Variants in DMXL1 observed in about 807,000 individuals in gnomAD.
DMXL1 encodes the protein Dmx like 1, also known as dmX-like protein 1.
A neutral mutation model predicts 319.2 loss-of-function variants in DMXL1; 99 were observed. The ratio of observed to expected loss-of-function variants is 0.31; its 90% CI spans 0.26 to 0.37. The LOEUF is 0.37. Ranked by LOEUF, DMXL1 falls within the 10% of genes least tolerant of loss-of-function variation. The pLI is 1.00. For synonymous variants in DMXL1, 1,385 were observed against 1,235.2 expected, an observed-to-expected ratio of 1.12 and a Z score of -2.54; for missense variants, 3,745 against 3,595.6, an observed-to-expected ratio of 1.04 and a Z score of -1.06.
chr5:119,175,755 G>A (rs78929877), intron 26 of DMXL1, among the ~76,000 whole-genome samples: 2,049 of 152,098 alleles, frequency 0.013, 42 homozygotes, highest in African/African-American at 0.047. Flanking sequence ...CACATGGGAG[G>A]GAGTAACTTG....
At chr5:119,073,494 A>T (rs1449143299) in intron 1 of DMXL1, among the ~76,000 whole-genome samples, 1 of 152,152 alleles carries the variant, frequency 6.6e-6, no homozygotes, top group Admixed American at 6.5e-5. Flanking sequence ...ATGTCTGTGT[A>T]TTGTTTTTAA....
In DMXL1 at chr5:119,167,603, G is replaced by T; in HGVS notation, c.5137G>T (p.Val1713Leu). ...TTAAAAACAATATTTTTTTTTAAAGGTATGTCTTGAGAAATTGAATGACAT... is the reference window on the plus strand; with the variant it reads ...TTAAAAACAATATTTTTTTTTAAAGTTATGTCTTGAGAAATTGAATGACAT... ...LAGCLRDAIE[V>L]CLEKLNDIQL... The change falls in exon 23 of 44, where the codon GTA becomes TTA. Residue 1713 changes from valine (V) to leucine (L), a missense_variant and splice_region_variant. Physicochemically the swap from Val to Leu is conservative, Grantham distance 32. Around this residue, in one of 4 missense-constraint regions of DMXL1, gnomAD observed 1,382 missense variants for 1,269.5 expected, o/e 1.09. Coordinates refer to ENST00000539542, the MANE Select transcript of DMXL1 (RefSeq NM_001290321.3). 2 of 1,572,628 alleles carry T rather than the reference G, an allele frequency of 1.3e-6. No individual in the cohort carries two copies. The highest frequency in any genetic ancestry group is 1.7e-6 in the Non-Finnish European group (2 of 1,159,160).
At chr5:119,215,848 G>A (rs1418809066) in intron 34 of DMXL1, among the ~76,000 whole-genome samples, 3 of 152,076 alleles carry the variant, frequency 2.0e-5, no homozygotes, top group Non-Finnish European at 4.4e-5. Flanking sequence ...CATAATCCCA[G>A]CATTTGGGAG....
intron 31 of DMXL1, among the ~76,000 whole-genome samples, chr5:119,196,746 A>G (rs902823695): frequency 3.3e-5 from 5 of 152,128 alleles, no homozygotes; most frequent in African/African-American, 1.2e-4. Context: ...TACAATGGAG[A>G]GAAAACTAAG....
At chr5:119,220,389 CA>C in intron 35 of DMXL1, 82 bp from the exon 36 acceptor site, 1 of 1,331,796 alleles carries the variant, frequency 7.5e-7, no homozygotes, top group Non-Finnish European at 1.0e-6. Context: ...GAGGTTATTT[CA>C]AAACTACCAT....
At chr5:119,215,235 G>T (rs1285842565) in intron 34 of DMXL1, among the ~76,000 whole-genome samples, 1 of 152,102 alleles carries the variant, frequency 6.6e-6, no homozygotes, top group African/African-American at 2.4e-5. Flanking sequence ...TTTGTGTAGG[G>T]ATATTTTGGT....
chr5:119,241,956 C>CTTA (rs1212257147), intron 42 of DMXL1, among the ~76,000 whole-genome samples: 1 of 152,110 alleles, frequency 6.6e-6, no homozygotes, highest in Admixed American at 6.5e-5. Context: ...ATTTTATGTA[C>CTTA]TTATGATTTC....
chr5:119,161,781 A>C (rs546339444), intron 19 of DMXL1, among the ~76,000 whole-genome samples: 2 of 152,288 alleles, frequency 1.3e-5, no homozygotes, highest in East Asian at 3.9e-4. Context: ...GAGGTTGGCC[A>C]TTTAAGGACT....
At chr5:119,086,138 A>C (rs1054366132) in intron 1 of DMXL1, among the ~76,000 whole-genome samples, 2 of 152,230 alleles carry the variant, frequency 1.3e-5, no homozygotes, top group Non-Finnish European at 2.9e-5. Flanking sequence ...CACATCTCAC[A>C]TGGCAATGGC....
chr5:119,081,387 G>C (rs558307954), intron 1 of DMXL1, among the ~76,000 whole-genome samples: 37 of 152,284 alleles, frequency 2.4e-4, no homozygotes, highest in Admixed American at 2.0e-3. Context: ...ATTTATTGAT[G>C]CCATATGTGT....
intron 38 of DMXL1, among the ~76,000 whole-genome samples, chr5:119,230,475 A>G (rs530744693): frequency 6.6e-6 from 1 of 152,358 alleles, no homozygotes; most frequent in South Asian, 2.1e-4. Flanking sequence ...TATTACATAT[A>G]TTTAACATAT....
rs1334132256 is a variant in DMXL1, at chr5:119,149,001, A to G, written c.3174A>G (p.Ala1058=). ...GCTGTGCACATACAAATCGTTTAGC[A>G]GTAGCTTATAAGCAGCCTGCATCTA... ...EVSCAHTNRL[A]VAYKQPASNS... is the part of the protein sequence containing the mutation. Residue 1058 remains alanine (A), a synonymous_variant, in exon 18 of 44, where the codon GCA becomes GCG. Coordinates refer to ENST00000539542, the MANE Select transcript of DMXL1 (RefSeq NM_001290321.3). The G allele has an allele frequency of 1.2e-6, 2 of 1,613,958 alleles. No individual in the cohort carries two copies. The highest frequency in any genetic ancestry group is 1.7e-4 in the Middle Eastern group (1 of 6,056).
chr5:119,081,746 CTG>C (rs1303389366), intron 1 of DMXL1: 4 of 983,510 alleles, frequency 4.1e-6, no homozygotes, highest in African/African-American at 1.7e-5. Flanking sequence ...CAAATTGAGA[CTG>C]TGCATGGAGA....
intron 1 of DMXL1, among the ~76,000 whole-genome samples, chr5:119,087,184 T>C (rs1753569141): frequency 6.6e-6 from 1 of 152,072 alleles, no homozygotes; most frequent in South Asian, 2.1e-4. Flanking sequence ...TGCTCTGATC[T>C]TTATTTTTTC....
At chr5:119,167,888 A>C (rs775731333) in intron 23 of DMXL1, 24 bp downstream of exon 23, 5 of 1,597,098 alleles carry the variant, frequency 3.1e-6, no homozygotes, top group Non-Finnish European at 4.3e-6. Context: ...CTAAGATGTT[A>C]ATGATTAAGA....
chr5:119,114,850 A>T (rs1020511608), intron 6 of DMXL1, among the ~76,000 whole-genome samples: 21 of 151,808 alleles, frequency 1.4e-4, no homozygotes, highest in Non-Finnish European at 2.9e-5. Context: ...TGTATTTTTT[A>T]ATAGAGACGG....
chr5:119,149,181 C>T lies in DMXL1; in HGVS notation c.3354C>T (p.Ala1118=), dbSNP rs1421627132. ...SGISVDSNLV[A]YNKQDMYLSS... ...TTAGTGTTGATAGCAATTTAGTGGC[C>T]TATAATAAACAAGACATGTATTTAT... The change falls in exon 18 of 44, where the codon GCC becomes GCT. Residue 1118 remains alanine, a synonymous_variant. Coordinates refer to ENST00000539542, the MANE Select transcript of DMXL1 (RefSeq NM_001290321.3). The T allele has an allele frequency of 6.2e-7, 1 of 1,613,512 alleles. No individual in the cohort carries two copies. The highest frequency in any genetic ancestry group is 2.2e-5 in the East Asian group (1 of 44,860).
chr5:119,081,605 A>G (rs1211626005), intron 1 of DMXL1: 1 of 985,372 alleles, frequency 1.0e-6, no homozygotes, highest in Non-Finnish European at 1.2e-6. Flanking sequence ...GTTGGATGCA[A>G]GAAGTGTAGA....
In DMXL1 at chr5:119,149,405, C is replaced by G; in HGVS notation, c.3578C>G (p.Pro1193Arg). Residue 1193 changes from proline (P) to arginine (R), a missense_variant, in exon 18 of 44, where the codon CCC becomes CGC. Physicochemically the swap from Pro to Arg is moderately radical, Grantham distance 103. This residue lies in a region of DMXL1 where 2,096 missense variants were observed against 1,985.4 expected (regional missense o/e 1.06). Transcript: ENST00000539542. Reference protein sequence around the residue: ...FPLWESTKVVPLSKFVLLRSV... With the variant: ...FPLWESTKVVRLSKFVLLRSV... Reference sequence around the variant, plus strand: ...CTCTGGGAGAGTACCAAAGTTGTGCCCCTTTCTAAATTTGTACTATTACGA... The same window carrying G: ...CTCTGGGAGAGTACCAAAGTTGTGCGCCTTTCTAAATTTGTACTATTACGA... 6.2e-7 allele frequency: 1 copy of G among 1,613,836 alleles called. No individual in the cohort carries two copies. Among genetic ancestry groups the G allele is most frequent in the Non-Finnish European group, 8.5e-7 (1 of 1,179,856 alleles).
Sources: gnomAD v4.1 joint callset for allele counts (sites outside exome capture counted in the v4.1 genomes callset) on GRCh38, gnomAD v4.1.1 for gene constraint, gnomAD v4.1.1 regional missense constraint, MANE v1.5 for transcripts, NCBI Gene and HGNC (gene_info 2026-07-23, HGNC 2026-07-21) for gene names.